Variants in MGAT4C observed in about 807,000 individuals in gnomAD.
MGAT4C encodes the protein alpha-1,3-mannosyl-glycoprotein 4-beta-N-acetylglucosaminyltransferase C.
In MGAT4C, 19 loss-of-function variants were observed where a neutral mutation model predicts 40.1. The ratio of observed to expected loss-of-function variants is 0.47; its 90% CI spans 0.33 to 0.70. The LOEUF (loss-of-function observed/expected upper bound fraction) is 0.70. MGAT4C is among the 30% of genes least tolerant of loss of function. The pLI is 0.02. For synonymous variants in MGAT4C, 181 were observed against 187.1 expected (o/e 0.97, Z 0.27); for missense variants, 491 against 563.2 (o/e 0.87, Z 1.30).
intron 2 of MGAT4C, among the ~76,000 whole-genome samples, chr12:86,494,988 A>T (rs527606300): frequency 6.6e-6 from 1 of 152,196 alleles, no homozygotes; most frequent in Admixed American, 6.6e-5. Context: ...AAATAAACAC[A>T]TCTAAAAATC....
intron 2 of MGAT4C, among the ~76,000 whole-genome samples, chr12:86,438,095 T>C (rs950250411): frequency 1.3e-5 from 2 of 151,974 alleles, no homozygotes; most frequent in Non-Finnish European, 2.9e-5. Flanking sequence ...AGGCTTCTTA[T>C]GCTAAACAGT....
chr12:86,784,733 C>A (rs1951902198), intron 1 of MGAT4C, among the ~76,000 whole-genome samples: 2 of 151,058 alleles, frequency 1.3e-5, no homozygotes, highest in Non-Finnish European at 3.0e-5. Context: ...AAAGACTGAT[C>A]ACATAACACA....
chr12:86,366,081 T>C (rs986732841), intron 3 of MGAT4C, among the ~76,000 whole-genome samples: 4 of 152,212 alleles, frequency 2.6e-5, no homozygotes, highest in African/African-American at 9.6e-5. Flanking sequence ...TGTTTTGTAC[T>C]TGTCCTTGTA....
chr12:86,805,308 T>A (rs550769395), intron 1 of MGAT4C, among the ~76,000 whole-genome samples: 98 of 152,042 alleles, frequency 6.4e-4, no homozygotes, highest in African/African-American at 2.2e-3. Context: ...ATATTAATGA[T>A]CATATCACCC....
Position 85,963,154 on chromosome 12 carries a change from C to T in MGAT4C, c.*16135G>A, listed in dbSNP as rs1883199272. On this transcript the variant is annotated 3_prime_UTR_variant, in exon 5 of 5. Transcript: ENST00000611864. Reference sequence around the variant, plus strand: ...TTTTACTAGTTTAATTACTTGGGTGCTTTAAATGTTTTTTGGAGGCTATTA... The same window carrying T: ...TTTTACTAGTTTAATTACTTGGGTGTTTTAAATGTTTTTTGGAGGCTATTA... 6.6e-6 allele frequency: 1 copy of T among 151,800 alleles called. No homozygotes were observed. The allele number at this position is 151,800 out of a possible 1,614,324, so 9.4% of individuals were successfully genotyped here.
intron 2 of MGAT4C, among the ~76,000 whole-genome samples, chr12:86,576,769 T>C (rs1396241372): frequency 6.6e-6 from 1 of 151,916 alleles, no homozygotes; most frequent in East Asian, 1.9e-4. Flanking sequence ...CTTCCAGTTT[T>C]GTTCTTTTTT....
chr12:86,718,252 A>G (rs1950680307), intron 2 of MGAT4C, among the ~76,000 whole-genome samples: 1 of 152,192 alleles, frequency 6.6e-6, no homozygotes, highest in Non-Finnish European at 1.5e-5. Flanking sequence ...ACAAACAAAC[A>G]AATGTTCTCA....
At chr12:85,993,461 C>A (rs1487198719) in intron 2 of MGAT4C, among the ~76,000 whole-genome samples, 1 of 152,144 alleles carries the variant, frequency 6.6e-6, no homozygotes, top group African/African-American at 2.4e-5. Flanking sequence ...GGGATTGGGT[C>A]CAGCCTCTCA....
chr12:86,774,806 A>G (rs1421985805), intron 1 of MGAT4C, among the ~76,000 whole-genome samples: 2 of 152,172 alleles, frequency 1.3e-5, no homozygotes, highest in Non-Finnish European at 2.9e-5. Flanking sequence ...TAATAAGAGC[A>G]CTAATTTAAT....
At chr12:85,982,346 G>C (rs1436299335) in intron 4 of MGAT4C, among the ~76,000 whole-genome samples, 1 of 152,096 alleles carries the variant, frequency 6.6e-6, no homozygotes, top group Non-Finnish European at 1.5e-5. Context: ...ACACGACCAT[G>C]CCTGGTTAAT....
intron 3 of MGAT4C, among the ~76,000 whole-genome samples, chr12:86,334,288 C>G (rs1954738148): frequency 6.6e-6 from 1 of 152,084 alleles, no homozygotes; most frequent in African/African-American, 2.4e-5. Flanking sequence ...TTACCCCTCT[C>G]TCTCCCCCAA....
At chr12:86,139,722 AAGAAT>A (rs1222236901) in intron 1 of MGAT4C, among the ~76,000 whole-genome samples, 1 of 152,186 alleles carries the variant, frequency 6.6e-6, no homozygotes, top group African/African-American at 2.4e-5. Context: ...TTCTTTAAAT[AAGAAT>A]AGAAAAAAAA....
At chr12:86,174,297 CA>C (rs1476310766) in intron 1 of MGAT4C, among the ~76,000 whole-genome samples, 16 of 151,962 alleles carry the variant, frequency 1.1e-4, no homozygotes, top group African/African-American at 3.9e-4. Context: ...AAGACAATAA[CA>C]AATGGTTGTT....
At chr12:86,783,535 T>G (rs1951881260) in intron 1 of MGAT4C, among the ~76,000 whole-genome samples, 1 of 152,164 alleles carries the variant, frequency 6.6e-6, no homozygotes, top group Non-Finnish European at 1.5e-5. Flanking sequence ...TGTTTGTCTC[T>G]CCCACTAGAT....
At position 86,263,653 on chromosome 12, in the gene MGAT4C, T is replaced by C. The variant is rs147203850; in HGVS notation, c.-57+70412A>G. On this transcript the variant is annotated intron_variant, in intron 4 of 7. Coordinates refer to the MGAT4C transcript ENST00000548651. ...ATGAGCCTATCAGTGCAGATATCTT[T>C]TTGATTCATTGATCTTTTTTCTTTT... Among the ~76,000 whole-genome samples, 73 of 152,334 alleles carry C rather than the reference T, an allele frequency of 4.8e-4. No individual in the cohort carries two copies. In the East Asian group the frequency reaches 0.012, roughly 25 times the overall value.
chr12:86,778,826 T>C (rs901172103), intron 1 of MGAT4C, among the ~76,000 whole-genome samples: 3 of 152,042 alleles, frequency 2.0e-5, no homozygotes, highest in Admixed American at 6.6e-5. Context: ...ACTTTTAATA[T>C]AATACAAAGA....
intron 3 of MGAT4C, among the ~76,000 whole-genome samples, chr12:86,377,992 T>G (rs907692765): frequency 2.0e-5 from 3 of 152,202 alleles, no homozygotes; most frequent in Non-Finnish European, 2.9e-5. Flanking sequence ...TATTTCACAT[T>G]GCATAATCTC....
chr12:86,767,276 A>G (rs1951529231), intron 1 of MGAT4C, among the ~76,000 whole-genome samples: 1 of 152,246 alleles, frequency 6.6e-6, no homozygotes, highest in South Asian at 2.1e-4. Context: ...AGAAATGGAT[A>G]AATTCCTCGA....
At chr12:86,403,100 A>G (rs1009354757) in intron 3 of MGAT4C, among the ~76,000 whole-genome samples, 3 of 152,286 alleles carry the variant, frequency 2.0e-5, no homozygotes, top group Admixed American at 1.3e-4. Flanking sequence ...TTCAATGCCC[A>G]TTTTATTTCT....
Sources: gnomAD v4.1 joint callset for allele counts (sites outside exome capture counted in the v4.1 genomes callset) on GRCh38, gnomAD v4.1.1 for gene constraint, MANE v1.5 for transcripts, NCBI Gene and HGNC (gene_info 2026-07-23, HGNC 2026-07-21) for gene names.